Variants in SLC25A21 observed in about 807,000 individuals in gnomAD.
The protein encoded by SLC25A21 is mitochondrial 2-oxodicarboxylate carrier.
In SLC25A21, 47 loss-of-function variants were observed where a neutral mutation model predicts 43.8. The ratio of observed to expected loss-of-function variants is 1.07; its 90% confidence interval spans 0.85 to 1.37. The LOEUF (loss-of-function observed/expected upper bound fraction) is 1.37. Ranked by LOEUF, SLC25A21 falls within the 40% of genes most tolerant of loss-of-function variation. The pLI is 0.00. For missense variants in SLC25A21, 352 were observed against 350.2 expected (o/e 1.00, Z -0.04); for synonymous variants, 131 against 121.3 (o/e 1.08, Z -0.52).
At chr14:36,746,874 T>C (rs953844052) in intron 3 of SLC25A21, among the ~76,000 whole-genome samples, 3 of 152,224 alleles carry the variant, frequency 2.0e-5, no homozygotes, top group African/African-American at 7.2e-5. Flanking sequence ...AGGACCTTTC[T>C]CTGACATGGT....
chr14:37,127,031 G>C (rs986963226), intron 1 of SLC25A21, among the ~76,000 whole-genome samples: 3 of 152,072 alleles, frequency 2.0e-5, no homozygotes, highest in African/African-American at 7.2e-5. Flanking sequence ...CGTGGCTATT[G>C]CTTGCCCATC....
intron 1 of SLC25A21, among the ~76,000 whole-genome samples, chr14:36,959,138 T>G (rs940436458): frequency 4.6e-5 from 7 of 152,172 alleles, no homozygotes; most frequent in Admixed American, 2.0e-4. Flanking sequence ...TTTCAGTGGG[T>G]GTCGCTGCCA....
rs1214363522 is a variant in SLC25A21, at chr14:36,678,268, A to T, written c.*2390T>A. ...GATGTAAACAGTAAGCAGATTTCTG[A>T]CACACAAATTATGTTAGAGTGACTG... On this transcript the variant is annotated 3_prime_UTR_variant, in exon 10 of 10. Transcript: ENST00000331299. 1.8e-6 allele frequency: 1 copy of T among 565,156 alleles called. No individual in the cohort carries two copies. The highest frequency in any genetic ancestry group is 3.2e-6 in the Non-Finnish European group (1 of 316,282). The allele number at this position is 565,156 out of a possible 1,614,324, so 35.0% of individuals were successfully genotyped here.
intron 3 of SLC25A21, among the ~76,000 whole-genome samples, chr14:36,792,306 A>C (rs910054138): frequency 1.3e-5 from 2 of 152,176 alleles, no homozygotes; most frequent in Non-Finnish European, 2.9e-5. Context: ...ATCTTTATAA[A>C]AACTTGATCC....
chr14:37,115,115 A>G (rs1963084009), intron 1 of SLC25A21, among the ~76,000 whole-genome samples: 1 of 152,140 alleles, frequency 6.6e-6, no homozygotes, highest in East Asian at 1.9e-4. Context: ...ACTCAATCAA[A>G]GAGAGTTTCT....
At chr14:36,778,802 C>T (rs1886929297) in intron 3 of SLC25A21, among the ~76,000 whole-genome samples, 1 of 152,100 alleles carries the variant, frequency 6.6e-6, no homozygotes, top group Admixed American at 6.6e-5. Flanking sequence ...TATTCTTCAC[C>T]TCACATAGTT....
Position 36,679,438 on chromosome 14 carries a change from A to G in SLC25A21, c.*1220T>C, listed in dbSNP as rs1472367862. 3.0e-6 allele frequency: 3 copies of G among 985,238 alleles called. No homozygotes were observed. The highest frequency in any genetic ancestry group is 3.6e-6 in the Non-Finnish European group (3 of 829,862). 61.0% of individuals were successfully genotyped at this position (985,238 alleles called of 1,614,324 possible). On this transcript the variant is annotated 3_prime_UTR_variant, in exon 10 of 10. Transcript: ENST00000331299. Reference sequence around the variant, plus strand: ...CGTAGTAGAAATAGCCCACGGTAGTAACTTAGGACAGGTGTCATATGGACT... The same window carrying G: ...CGTAGTAGAAATAGCCCACGGTAGTGACTTAGGACAGGTGTCATATGGACT...
At chr14:37,098,782 C>CAGAT (rs1328490791) in intron 1 of SLC25A21, among the ~76,000 whole-genome samples, 122 of 138,012 alleles carry the variant, frequency 8.8e-4, no homozygotes, top group African/African-American at 2.7e-3. Context: ...GACAGACAGA[C>CAGAT]AGACAGATAG....
intron 3 of SLC25A21, among the ~76,000 whole-genome samples, chr14:36,789,845 T>TATTTTATATATTTATATTTAATAC (rs1887401811): frequency 9.2e-6 from 1 of 108,692 alleles, no homozygotes; most frequent in Non-Finnish European, 1.8e-5. Context: ...ATATTTAATA[T>TATTTTATATATTTATATTTAATAC]ATTTTATATA....
At chr14:37,129,308 A>G (rs1963352712) in intron 1 of SLC25A21, among the ~76,000 whole-genome samples, 1 of 152,206 alleles carries the variant, frequency 6.6e-6, no homozygotes, top group Admixed American at 6.5e-5. Context: ...TTTTTTATGC[A>G]CAGTGGCAGG....
At chr14:36,796,817 T>A (rs925852470) in intron 3 of SLC25A21, among the ~76,000 whole-genome samples, 2 of 152,194 alleles carry the variant, frequency 1.3e-5, no homozygotes, top group African/African-American at 4.8e-5. Context: ...CACGTCGGCT[T>A]TGTCGGAAGA....
At chr14:36,805,869 A>G (rs908308142) in intron 3 of SLC25A21, among the ~76,000 whole-genome samples, 1 of 152,196 alleles carries the variant, frequency 6.6e-6, no homozygotes. Context: ...ACAGAGTAGA[A>G]TAATGGTTAC....
chr14:36,842,501 C>T (rs1889415104), intron 2 of SLC25A21, among the ~76,000 whole-genome samples: 1 of 152,114 alleles, frequency 6.6e-6, no homozygotes, highest in African/African-American at 2.4e-5. Flanking sequence ...GTCACAAAGG[C>T]TACAGAAGCC....
chr14:37,075,813 C>T (rs1394095548), intron 1 of SLC25A21, among the ~76,000 whole-genome samples: 1 of 152,182 alleles, frequency 6.6e-6, no homozygotes, highest in Non-Finnish European at 1.5e-5. Context: ...TGGTTTATGT[C>T]GTTGATATGA....
chr14:37,018,806 T>C (rs536998864), intron 1 of SLC25A21, among the ~76,000 whole-genome samples: 1 of 152,124 alleles, frequency 6.6e-6, no homozygotes, highest in South Asian at 2.1e-4. Context: ...ACCACCCGCA[T>C]AATTTCAACA....
chr14:36,755,076 G>A (rs1885872284), intron 3 of SLC25A21, among the ~76,000 whole-genome samples: 1 of 152,034 alleles, frequency 6.6e-6, no homozygotes, highest in African/African-American at 2.4e-5. Context: ...AAAATAAAGA[G>A]GAAAAGAAAA....
chr14:37,101,127 C>G (rs1290046859), intron 1 of SLC25A21, among the ~76,000 whole-genome samples: 2 of 152,118 alleles, frequency 1.3e-5, no homozygotes, highest in Non-Finnish European at 2.9e-5. Flanking sequence ...CTTTAAAATG[C>G]CTAGGCCAAA....
rs557365287 is a variant in SLC25A21, at chr14:36,877,580, A to G, written c.71-2576T>C. 4.6e-4 allele frequency among the ~76,000 whole-genome samples: 70 copies of G among 152,240 alleles called. 1 individual carries two copies. In the South Asian group the frequency reaches 0.012, roughly 27 times the overall value. On this transcript the variant is annotated intron_variant, in intron 1 of 9. Transcript: ENST00000331299. ...AACAAACAGACATATAAGAACAAAT[A>G]GTAATGCATGGGAGGAGGTGCAATG... is the stretch of plus-strand genomic sequence containing the variant.
At chr14:36,746,509 T>A (rs912078038) in intron 3 of SLC25A21, among the ~76,000 whole-genome samples, 1 of 152,148 alleles carries the variant, frequency 6.6e-6, no homozygotes, top group Non-Finnish European at 1.5e-5. Flanking sequence ...AATGTACATT[T>A]ATTTGGGCGA....
Sources: allele counts gnomAD v4.1 joint callset (sites outside exome capture counted in the v4.1 genomes callset), GRCh38; gene constraint gnomAD v4.1.1; transcripts MANE v1.5; gene names NCBI Gene and HGNC (gene_info 2026-07-23, HGNC 2026-07-21).